DBN1: variants seen among roughly 807,000 people sequenced by gnomAD.
DBN1 encodes the protein drebrin 1.
In DBN1, 21 loss-of-function variants were observed where a neutral mutation model predicts 83.5. That is an observed-to-expected ratio of 0.25 (90% confidence interval 0.18 to 0.36). The LOEUF (loss-of-function observed/expected upper bound fraction) is 0.36, where lower values mean the gene tolerates loss of function less well. DBN1 is among the 10% of genes least tolerant of loss of function. The pLI is 1.00. For missense variants in DBN1, 874 were observed against 935.7 expected, an observed-to-expected ratio of 0.93 and a Z score of 0.86; for synonymous variants, 381 against 384.9, an observed-to-expected ratio of 0.99 and a Z score of 0.12.
At position 177,458,461 on chromosome 5, in the gene DBN1, G is replaced by T. The variant is rs751718711; in HGVS notation, c.1511C>A (p.Ala504Asp). The change falls in exon 13 of 15, where the codon GCC becomes GAC. Residue 504 changes from alanine to aspartate, a missense_variant. By Grantham distance (126) the Ala-to-Asp change is moderately radical. Coordinates refer to ENST00000393565, the MANE Select transcript of DBN1 (RefSeq NM_001363541.2). Reference protein sequence around the residue: ...DAADTIETDTATADTTVANNV... With the variant: ...DAADTIETDTDTADTTVANNV... ...GTTGGCAACAGTGGTGTCAGCAGTG[G>T]CAGTGTCAGTTTCAATGGTGTCAGC... is the stretch of plus-strand genomic sequence containing the variant. 10 of 1,613,826 alleles carry T rather than the reference G, an allele frequency of 6.2e-6. No individual in the cohort carries two copies. Among genetic ancestry groups the T allele is most frequent in the Non-Finnish European group, 6.8e-6 (8 of 1,179,648 alleles).
chr5:177,457,919 G>C, intron 13 of DBN1, 139 bp downstream of exon 13: 2 of 1,202,220 alleles, frequency 1.7e-6, no homozygotes, highest in Non-Finnish European at 2.4e-6. Flanking sequence ...CCCAGGGAGG[G>C]AGGGTGGGAT....
chr5:177,459,469 C>A (rs1446548819), intron 11 of DBN1, 134 bp downstream of exon 11: 2 of 1,337,240 alleles, frequency 1.5e-6, no homozygotes, highest in Non-Finnish European at 2.0e-6. Context: ...AGGCCAGGGG[C>A]AAGAGGCAGG....
rs766141115 is a variant in DBN1 at position 177,459,676 on chromosome 5, G to T, written c.1020C>A (p.Ser340=). 1.3e-6 allele frequency: 2 copies of T among 1,592,610 alleles called. No homozygotes were observed. The highest frequency in any genetic ancestry group is 4.5e-5 in the East Asian group (2 of 44,008). Residue 340 remains serine, a synonymous_variant, in exon 11 of 15, where the codon TCC becomes TCA. Transcript: ENST00000393565. The part of the protein sequence containing the change: ...DSGPSSSSSS[S]SSPPRTPFPY... ...GAAAGGGAGTCCGTGGAGGGGAGGA[G>T]GAGGAAGAGGAGGAGGAGGAAGGCC...
rs763242867 is a variant in DBN1 at position 177,460,696 on chromosome 5, T to A, written c.779A>T (p.His260Leu). Residue 260 changes from histidine (H) to leucine (L), a missense_variant, in exon 9 of 15, where the codon CAT (histidine) becomes CTT (leucine). Physicochemically the swap from His to Leu is moderately conservative, Grantham distance 99. This residue lies in a region of DBN1 where 725 missense variants were observed against 719.7 expected (regional missense o/e 1.01). Transcript: ENST00000393565. ...GTGGGTCTCTTCCTCCTCATCCCGATGGTCACCCTAGAAACCAAAGGGACA... is the reference window on the plus strand; with the variant it reads ...GTGGGTCTCTTCCTCCTCATCCCGAAGGTCACCCTAGAAACCAAAGGGACA... Reference protein sequence around the residue: ...RLKEQSIFGDHRDEEEETHMK... With the variant: ...RLKEQSIFGDLRDEEEETHMK... The A allele has an allele frequency of 6.2e-6, 10 of 1,613,926 alleles. No homozygotes were observed. Among genetic ancestry groups the A allele is most frequent in the Admixed American group, 1.7e-5 (1 of 60,016 alleles).
rs951399749 is a variant in DBN1 at position 177,467,414 on chromosome 5, C to T, written c.477+67G>A. On this transcript the variant is annotated intron_variant, in intron 5 of 14. Coordinates refer to ENST00000393565, the MANE Select transcript of DBN1 (RefSeq NM_001363541.2). The surrounding 1 kb of genome is among the most constrained non-coding windows in gnomAD (Gnocchi z 9.1). ...CCTAAAGGGTGAGAGCTAAGAGGGA[C>T]CGGGCAGGCCAGACTCGGGCACCAG... 35 of 1,612,512 alleles carry T rather than the reference C, an allele frequency of 2.2e-5. No homozygotes were observed. Among genetic ancestry groups the T allele is most frequent in the Non-Finnish European group, 2.9e-5 (34 of 1,178,918 alleles).
chr5:177,460,754 T>G (rs747789894), intron 8 of DBN1, 51 bp from the exon 9 acceptor site: 1 of 1,574,336 alleles, frequency 6.4e-7, no homozygotes, highest in East Asian at 2.3e-5. Flanking sequence ...ACAGGGGCTT[T>G]TGGCCTTCTT....
Position 177,457,225 on chromosome 5 carries a change from C to A in DBN1, c.*208G>T, listed in dbSNP as rs892517629. The A allele has an allele frequency of 4.9e-5, 29 of 591,912 alleles. 1 individual carries two copies. In the South Asian group the frequency reaches 5.8e-4, roughly 12 times the overall value. 36.7% of individuals were successfully genotyped at this position (591,912 alleles called of 1,614,324 possible). On this transcript the variant is annotated 3_prime_UTR_variant, in exon 15 of 15. Transcript: ENST00000393565. ...ACGAGAGGAAAGCCAGTCAACTGTA[C>A]AAGTCTCCTATCAACTTTTTAAAAA...
At position 177,472,106 on chromosome 5, in the gene DBN1, T is replaced by A. The variant is rs1196729216; in HGVS notation, c.86+1330A>T. The stretch of plus-strand genomic sequence containing the variant: ...TGCCTGCTGAGCCTGTGCCGGCCTC[T>A]CCTGTGACTGACCTGCAGGACACGA... On this transcript the variant is annotated intron_variant, in intron 1 of 14. Transcript: ENST00000393565. The A allele has an allele frequency of 1.9e-6, 3 of 1,605,004 alleles. No homozygotes were observed. The South Asian group carries it at 3.3e-5, about 18-fold the overall frequency.
Position 177,469,777 on chromosome 5 carries a change from C to T in DBN1, c.87-878G>A, listed in dbSNP as rs934422885. ...GGCAGAGATGCCTCCTCCATCACCC[C>T]ATGCAGGCCCAGGCTGAGGACCCTC... On this transcript the variant is annotated intron_variant, in intron 1 of 14. Coordinates refer to ENST00000393565, the MANE Select transcript of DBN1 (RefSeq NM_001363541.2). Among the ~76,000 whole-genome samples the T allele has an allele frequency of 2.6e-5, 4 of 152,196 alleles. No homozygotes were observed. In the East Asian group the frequency reaches 7.7e-4, roughly 29 times the overall value.
In DBN1 at chr5:177,459,657, G is replaced by C; in HGVS notation, c.1039C>G (p.Pro347Ala). 1 of 1,588,834 alleles carries C rather than the reference G, an allele frequency of 6.3e-7. No individual in the cohort carries two copies. The highest frequency in any genetic ancestry group is 8.6e-7 in the Non-Finnish European group (1 of 1,168,104). The change falls in exon 11 of 15, where the codon CCC becomes GCC. Residue 347 changes from proline to alanine, a missense_variant. By Grantham distance (27) the Pro-to-Ala change is conservative (BLOSUM62 -1). This residue lies in a region of DBN1 where 725 missense variants were observed against 719.7 expected (regional missense o/e 1.01). Transcript: ENST00000393565. ...SSSSSSPPRT[P>A]FPYITCHRTP... is the part of the protein sequence containing the mutation. ...CGGTGGCAGGTGATATAGGGAAAGG[G>C]AGTCCGTGGAGGGGAGGAGGAGGAA... is the stretch of plus-strand genomic sequence containing the variant.
chr5:177,463,666 G>A (rs1466372126), intron 8 of DBN1, among the ~76,000 whole-genome samples: 2 of 152,180 alleles, frequency 1.3e-5, no homozygotes, highest in Non-Finnish European at 2.9e-5. Flanking sequence ...AATGTCCACT[G>A]TCACTCTCAC....
In DBN1 at chr5:177,458,885, G is replaced by T. The variant is rs77849231; in HGVS notation, c.1265-178C>A. ...TGGCAGCTCCGGGAGGAAGGCCAAG[G>T]CCCGATTCCCACTTGAGAGGGCGGG... On this transcript the variant is annotated intron_variant, in intron 12 of 14. Transcript: ENST00000393565. Among the ~76,000 whole-genome samples the T allele has an allele frequency of 3.3e-3, 501 of 152,304 alleles. 2 individuals are homozygous for T. The highest frequency in any genetic ancestry group is 0.012 in the African/African-American group (485 of 41,558).
At chr5:177,472,150 C>CAT in intron 1 of DBN1, 1 of 1,612,840 alleles carries the variant, frequency 6.2e-7, no homozygotes, top group Admixed American at 1.7e-5. Flanking sequence ...CTCTCGCGTC[C>CAT]ATCCCTCCAG....
chr5:177,463,055 T>A (rs75899920), intron 8 of DBN1, among the ~76,000 whole-genome samples: 6 of 152,034 alleles, frequency 3.9e-5, no homozygotes, highest in Non-Finnish European at 7.4e-5. Flanking sequence ...TTTTTTTTTT[T>A]AATCTGAGAC....
At chr5:177,457,916 A>AG in intron 13 of DBN1, 142 bp downstream of exon 13, 1 of 783,086 alleles carries the variant, frequency 1.3e-6, no homozygotes. Context: ...CGGCCCAGGG[A>AG]GGGAGGGTGG....
At chr5:177,471,696 CAT>C (rs1037286441) in intron 1 of DBN1, among the ~76,000 whole-genome samples, 4 of 152,128 alleles carry the variant, frequency 2.6e-5, no homozygotes, top group Non-Finnish European at 5.9e-5. Flanking sequence ...TGCGAGGGTA[CAT>C]GTGTGCATCT....
In DBN1 at chr5:177,457,381, G is replaced by A. The variant is rs1756581222; in HGVS notation, c.*52C>T. The A allele has an allele frequency of 2.7e-6, 4 of 1,500,630 alleles. No homozygotes were observed. In the African/African-American group the frequency reaches 4.1e-5, roughly 16 times the overall value. 93.0% of individuals were successfully genotyped at this position (1,500,630 alleles called of 1,614,324 possible). On this transcript the variant is annotated 3_prime_UTR_variant, in exon 15 of 15. Transcript: ENST00000393565. ...GGCACGGCGGGCCGTCTGGCCAGAG[G>A]CTGATGCAGGTGGGCGGCCTTGGCA...
At chr5:177,462,888 T>G (rs1317368991) in intron 8 of DBN1, among the ~76,000 whole-genome samples, 2 of 152,064 alleles carry the variant, frequency 1.3e-5, no homozygotes, top group Non-Finnish European at 2.9e-5. Flanking sequence ...TCTCCCCCAC[T>G]CCTCAGCCCA....
At chr5:177,459,372 G>T (rs1756833999) in intron 11 of DBN1, 104 bp from the exon 12 acceptor site, 27 of 1,503,730 alleles carry the variant, frequency 1.8e-5, no homozygotes, top group Admixed American at 2.5e-5. Context: ...GAATCTGGGT[G>T]GGGGCTGGGA....
Sources: gnomAD v4.1 joint callset for allele counts (sites outside exome capture counted in the v4.1 genomes callset) on GRCh38, gnomAD v4.1.1 for gene constraint, gnomAD v4.1.1 regional missense constraint, Gnocchi (gnomAD v3.1) non-coding constraint, MANE v1.5 for transcripts, NCBI Gene and HGNC (gene_info 2026-07-23, HGNC 2026-07-21) for gene names.